The following PACRG variants were observed in gnomAD, a reference collection of about 807,000 sequenced individuals.
PACRG encodes the protein parkin coregulated gene protein.
Under a neutral mutation model 29.7 loss-of-function variants are expected in PACRG, and 29 were observed. That is an observed-to-expected ratio of 0.98 (90% CI 0.73 to 1.33). PACRG has a LOEUF of 1.33. Ranked by LOEUF, PACRG falls within the 40% of genes most tolerant of loss-of-function variation. The pLI, the probability that PACRG is intolerant of heterozygous loss-of-function variation, is 0.00. For missense variants in PACRG, 279 were observed against 316.2 expected (o/e 0.88, Z 0.89); for synonymous variants, 116 against 118.7 (o/e 0.98, Z 0.15).
At chr6:162,772,144 TA>T (rs1783270413) in intron 1 of PACRG, among the ~76,000 whole-genome samples, 1 of 152,334 alleles carries the variant, frequency 6.6e-6, no homozygotes, top group Non-Finnish European at 1.5e-5. Context: ...CCTGGGTTGT[TA>T]AAAATGTATG....
chr6:163,278,107 A>G (rs1396177649), intron 4 of PACRG, among the ~76,000 whole-genome samples: 1 of 152,116 alleles, frequency 6.6e-6, no homozygotes, highest in Non-Finnish European at 1.5e-5. Context: ...GCATTTTTCC[A>G]TATGCTTGTT....
rs368279846 is a variant in PACRG at position 163,314,966 on chromosome 6, C to T, written c.753C>T (p.Tyr251=). ...ACATTAAGTACGTGGTCCCAACCTA[C>T]GAGTCTTGCTTGCTAAACTAACAGT... is the stretch of plus-strand genomic sequence containing the variant. ...FINIKYVVPT[Y]ESCLLN Residue 251 remains tyrosine, a synonymous_variant, in exon 5 of 5, where the codon TAC becomes TAT. Transcript: ENST00000366888. 47 of 1,613,722 alleles carry T rather than the reference C, an allele frequency of 2.9e-5. No individual in the cohort carries two copies. The highest frequency in any genetic ancestry group is 3.3e-4 in the Middle Eastern group (2 of 6,074).
At chr6:162,815,382 T>C (rs1483658181) in intron 2 of PACRG, among the ~76,000 whole-genome samples, 3 of 150,538 alleles carry the variant, frequency 2.0e-5, no homozygotes, top group Admixed American at 6.7e-5. Context: ...TATAGACACA[T>C]TGAAAGGATT....
chr6:163,124,544 T>G (rs553103386), intron 4 of PACRG, among the ~76,000 whole-genome samples: 6 of 152,210 alleles, frequency 3.9e-5, no homozygotes, highest in Non-Finnish European at 8.8e-5. Context: ...TTATTTTATT[T>G]TATTTTATTT....
intron 2 of PACRG, among the ~76,000 whole-genome samples, chr6:162,909,509 C>T (rs1004256365): frequency 7.3e-6 from 1 of 136,594 alleles, no homozygotes; most frequent in African/African-American, 2.8e-5. Flanking sequence ...GAGCCAAGAT[C>T]GCGCCACTGC....
intron 2 of PACRG, among the ~76,000 whole-genome samples, chr6:163,032,780 C>A (rs552593841): frequency 3.3e-5 from 5 of 152,214 alleles, no homozygotes; most frequent in Admixed American, 6.5e-5. Context: ...TCTTAGTAAA[C>A]CTTATAGATA....
chr6:163,210,333 C>G (rs1781083480), intron 4 of PACRG, among the ~76,000 whole-genome samples: 1 of 152,140 alleles, frequency 6.6e-6, no homozygotes, highest in Non-Finnish European at 1.5e-5. Context: ...TGCAGAATAT[C>G]TTTCTAAAAT....
At chr6:162,836,643 C>T (rs374714399) in intron 2 of PACRG, among the ~76,000 whole-genome samples, 5 of 152,120 alleles carry the variant, frequency 3.3e-5, no homozygotes, top group African/African-American at 4.8e-5. Context: ...TCATTTCCCT[C>T]GATTTGATTA....
intron 2 of PACRG, among the ~76,000 whole-genome samples, chr6:163,000,775 C>T (rs1349899791): frequency 6.6e-6 from 1 of 152,162 alleles, no homozygotes; most frequent in South Asian, 2.1e-4. Flanking sequence ...ATGCTGCAGG[C>T]TCTGTGTTAG....
chr6:163,110,838 G>T (rs1351196328), intron 4 of PACRG, among the ~76,000 whole-genome samples: 1 of 152,202 alleles, frequency 6.6e-6, no homozygotes. Flanking sequence ...CTGATGAGGA[G>T]ACCCAGGATC....
chr6:162,942,097 T>C (rs973090125), intron 2 of PACRG, among the ~76,000 whole-genome samples: 1 of 152,180 alleles, frequency 6.6e-6, no homozygotes, highest in African/African-American at 2.4e-5. Context: ...CTTTGCTAAA[T>C]AAACAGTCTA....
At chr6:163,128,002 G>A (rs550864270) in intron 4 of PACRG, among the ~76,000 whole-genome samples, 1 of 152,198 alleles carries the variant, frequency 6.6e-6, no homozygotes, top group African/African-American at 2.4e-5. Flanking sequence ...CCTTGATTGT[G>A]GTTTATTATT....
intron 4 of PACRG, chr6:163,100,900 A>G (rs1426400965): frequency 1.0e-6 from 1 of 984,560 alleles, no homozygotes; most frequent in Admixed American, 6.2e-5. Flanking sequence ...TTATATTCTC[A>G]TGTACATCTT....
In PACRG at chr6:163,036,986, AAGAT is replaced by A. The variant is rs201033023; in HGVS notation, c.292-25160_292-25157del. Among the ~76,000 whole-genome samples the A allele has an allele frequency of 7.8e-3, 1,185 of 152,236 alleles. 7 individuals carry two copies. The highest frequency in any genetic ancestry group is 0.024 in the South Asian group (117 of 4,810). On this transcript the variant is annotated intron_variant, in intron 2 of 4. Coordinates refer to ENST00000366888, the MANE Select transcript of PACRG (RefSeq NM_001080379.2). The stretch of plus-strand genomic sequence containing the variant: ...GCCAGATATAAAGCAGAAATAAAGA[AAGAT>A]AGACCTAACGAGAGAGGCGAATTGT...
At chr6:162,912,648 T>C (rs575570926) in intron 2 of PACRG, among the ~76,000 whole-genome samples, 12 of 151,266 alleles carry the variant, frequency 7.9e-5, no homozygotes, top group Non-Finnish European at 1.6e-4. Flanking sequence ...CTCAGCTCAG[T>C]GCAACCTCTG....
chr6:162,985,649 A>G (rs905472420), intron 2 of PACRG, among the ~76,000 whole-genome samples: 1 of 152,136 alleles, frequency 6.6e-6, no homozygotes, highest in African/African-American at 2.4e-5. Context: ...CTGGAACAAG[A>G]CAAGGATGTC....
At chr6:162,957,096 T>C (rs1005165040) in intron 2 of PACRG, among the ~76,000 whole-genome samples, 2 of 149,610 alleles carry the variant, frequency 1.3e-5, no homozygotes, top group African/African-American at 4.9e-5. Context: ...GGCAGTAGAG[T>C]GAGACAGACT....
At chr6:162,942,660 T>C (rs1303424486) in intron 2 of PACRG, among the ~76,000 whole-genome samples, 1 of 152,208 alleles carries the variant, frequency 6.6e-6, no homozygotes, top group Non-Finnish European at 1.5e-5. Context: ...TTAAAGCCCA[T>C]ATGTTATAAT....
chr6:163,270,939 G>C (rs2076702922), intron 4 of PACRG, among the ~76,000 whole-genome samples: 1 of 152,082 alleles, frequency 6.6e-6, no homozygotes, highest in Non-Finnish European at 1.5e-5. Context: ...ATATATGAAG[G>C]GGAGTTTATT....
Sources: allele counts gnomAD v4.1 joint callset (sites outside exome capture counted in the v4.1 genomes callset), GRCh38; gene constraint gnomAD v4.1.1; transcripts MANE v1.5; gene names NCBI Gene and HGNC (gene_info 2026-07-23, HGNC 2026-07-21).